The following PHACTR1 variants were observed in gnomAD, a reference collection of about 807,000 sequenced individuals.
PHACTR1 encodes the protein phosphatase and actin regulator 1.
PHACTR1 carries 16 observed loss-of-function variants against 69.2 expected under a neutral mutation model. The ratio of observed to expected loss-of-function variants is 0.23; its 90% CI spans 0.16 to 0.35. The LOEUF is 0.35. PHACTR1 is among the 10% of genes least tolerant of loss of function. The pLI is 1.00. For missense variants in PHACTR1, 510 were observed against 734.7 expected (o/e 0.69, Z 3.54); for synonymous variants, 312 against 284.5 (o/e 1.10, Z -0.97).
At chr6:13,020,853 G>A (rs1301130883) in intron 4 of PHACTR1, among the ~76,000 whole-genome samples, 1 of 152,122 alleles carries the variant, frequency 6.6e-6, no homozygotes, top group Non-Finnish European at 1.5e-5. Context: ...TAAGGACAGT[G>A]GTGTGATGTG....
intron 4 of PHACTR1, among the ~76,000 whole-genome samples, chr6:12,811,866 G>A (rs1032955267): frequency 6.6e-6 from 1 of 152,122 alleles, no homozygotes; most frequent in African/African-American, 2.4e-5. Flanking sequence ...AGCCGACACA[G>A]GGCTCAGCTC....
chr6:12,768,801 G>A (rs1581665441), intron 4 of PHACTR1, among the ~76,000 whole-genome samples: 1 of 137,852 alleles, frequency 7.3e-6, no homozygotes, highest in South Asian at 2.4e-4. Context: ...TAAAGAAAAT[G>A]TGCTATCTAC....
At chr6:12,865,391 A>T (rs1408833629) in intron 4 of PHACTR1, among the ~76,000 whole-genome samples, 1 of 152,202 alleles carries the variant, frequency 6.6e-6, no homozygotes, top group African/African-American at 2.4e-5. Flanking sequence ...GCAAGGTCAT[A>T]CCTGCTGCCT....
At chr6:12,796,861 A>T (rs547272379) in intron 4 of PHACTR1, among the ~76,000 whole-genome samples, 134 of 152,322 alleles carry the variant, frequency 8.8e-4, no homozygotes, top group Middle Eastern at 6.8e-3. Flanking sequence ...CTGTGTGCTG[A>T]CACTGAAGAG....
chr6:12,781,691 C>T (rs1397064722), intron 4 of PHACTR1, among the ~76,000 whole-genome samples: 1 of 152,170 alleles, frequency 6.6e-6, no homozygotes, highest in Admixed American at 6.5e-5. Flanking sequence ...GCTCCAGGAC[C>T]CATCACGTCA....
chr6:12,931,509 A>T, intron 4 of PHACTR1, among the ~76,000 whole-genome samples: 1 of 152,234 alleles, frequency 6.6e-6, no homozygotes, highest in East Asian at 1.9e-4. Flanking sequence ...TAAATCCAGG[A>T]GAAAACTGGA....
intron 5 of PHACTR1, among the ~76,000 whole-genome samples, chr6:13,107,514 G>A (rs1816363069): frequency 6.6e-6 from 1 of 152,140 alleles, no homozygotes; most frequent in South Asian, 2.1e-4. Context: ...TATTCTTTGT[G>A]GGAAGGGTTT....
At chr6:13,154,999 T>C (rs376629996) in intron 5 of PHACTR1, among the ~76,000 whole-genome samples, 2 of 152,236 alleles carry the variant, frequency 1.3e-5, no homozygotes, top group African/African-American at 4.8e-5. Flanking sequence ...ATAAACCAGG[T>C]CCAATGGTTG....
At chr6:12,966,849 T>C (rs1793567945) in intron 4 of PHACTR1, among the ~76,000 whole-genome samples, 1 of 152,338 alleles carries the variant, frequency 6.6e-6, no homozygotes, top group South Asian at 2.1e-4. Context: ...TTCACATTAA[T>C]GGAGCTACAG....
chr6:13,021,854 T>C (rs1165790214), intron 4 of PHACTR1, among the ~76,000 whole-genome samples: 1 of 152,222 alleles, frequency 6.6e-6, no homozygotes, highest in Non-Finnish European at 1.5e-5. Context: ...ATATTACACT[T>C]TATAGCTTGT....
intron 4 of PHACTR1, among the ~76,000 whole-genome samples, chr6:12,863,699 C>A (rs1204435995): frequency 6.6e-6 from 1 of 152,214 alleles, no homozygotes; most frequent in Admixed American, 6.5e-5. Flanking sequence ...TGGGTAATCA[C>A]AATTTCATGC....
At chr6:13,240,232 A>C (rs1288526030) in intron 10 of PHACTR1, among the ~76,000 whole-genome samples, 1 of 152,166 alleles carries the variant, frequency 6.6e-6, no homozygotes, top group Non-Finnish European at 1.5e-5. Context: ...TCTGGGCTGC[A>C]TGGTCACATT....
intron 4 of PHACTR1, chr6:12,958,138 T>C: frequency 1.5e-6 from 1 of 649,092 alleles, no homozygotes; most frequent in Non-Finnish European, 1.9e-6. Context: ...AATTTTCCTT[T>C]GATGGAGCTG....
chr6:12,861,246 A>G (rs1046338797), intron 4 of PHACTR1, among the ~76,000 whole-genome samples: 4 of 152,230 alleles, frequency 2.6e-5, no homozygotes, highest in Non-Finnish European at 4.4e-5. Context: ...CTTAAAAGGA[A>G]GGTTCCATAA....
At chr6:12,793,753 A>T (rs928623028) in intron 4 of PHACTR1, among the ~76,000 whole-genome samples, 2 of 152,210 alleles carry the variant, frequency 1.3e-5, no homozygotes, top group Non-Finnish European at 2.9e-5. Flanking sequence ...TATGGTCTGA[A>T]TCAGCCTTTT....
At chr6:13,091,395 G>C (rs1170274725) in intron 5 of PHACTR1, among the ~76,000 whole-genome samples, 1 of 152,100 alleles carries the variant, frequency 6.6e-6, no homozygotes, top group Non-Finnish European at 1.5e-5. Flanking sequence ...CCAGCATTTG[G>C]CCTTGAATAC....
rs187970316 is a variant in PHACTR1, at chr6:13,031,811, C to T, written c.251-21554C>T. Among the ~76,000 whole-genome samples the T allele has an allele frequency of 5.8e-3, 887 of 152,208 alleles. 5 individuals carry two copies. The highest frequency in any genetic ancestry group is 9.2e-3 in the Non-Finnish European group (623 of 68,004). The stretch of plus-strand genomic sequence containing the variant: ...ACTTTTCTTTTTGACTCACCTTTGC[C>T]CAAGGAATACAATAGTAGTAAGAAA... On this transcript the variant is annotated intron_variant, in intron 4 of 14. Transcript: ENST00000332995.
intron 8 of PHACTR1, among the ~76,000 whole-genome samples, chr6:13,209,758 G>A (rs1173229206): frequency 2.6e-5 from 4 of 152,162 alleles, no homozygotes; most frequent in Non-Finnish European, 4.4e-5. Context: ...AACATAGCCT[G>A]CTTCATTGTC....
At chr6:13,211,733 C>T (rs763941879) in intron 8 of PHACTR1, among the ~76,000 whole-genome samples, 6 of 152,200 alleles carry the variant, frequency 3.9e-5, no homozygotes, top group Non-Finnish European at 7.3e-5. Context: ...AACACTTCTA[C>T]ATGCTCCTTC....
Sources: gnomAD v4.1 joint callset for allele counts (sites outside exome capture counted in the v4.1 genomes callset) on GRCh38, gnomAD v4.1.1 for gene constraint, MANE v1.5 for transcripts, NCBI Gene and HGNC (gene_info 2026-07-23, HGNC 2026-07-21) for gene names.